The following CDH8 variants were observed in gnomAD, a reference collection of about 807,000 sequenced individuals.
CDH8 encodes the protein cadherin-8.
A neutral mutation model predicts 68.1 loss-of-function variants in CDH8; 17 were observed. The observed-to-expected ratio is 0.25, with a 90% CI of 0.17 to 0.37. CDH8 has a LOEUF of 0.37. Ranked by LOEUF, CDH8 falls within the 10% of genes least tolerant of loss-of-function variation. The pLI is 1.00. For missense variants in CDH8, 763 were observed against 999.3 expected, an observed-to-expected ratio of 0.76 and a Z score of 3.19; for synonymous variants, 372 against 365.1, an observed-to-expected ratio of 1.02 and a Z score of -0.21.
At chr16:61,728,048 A>AAT (rs1959426324) in intron 8 of CDH8, among the ~76,000 whole-genome samples, 1 of 151,120 alleles carries the variant, frequency 6.6e-6, no homozygotes, top group Non-Finnish European at 1.5e-5. Context: ...TGTACCATGT[A>AAT]ATAATCTTTT....
intron 3 of CDH8, among the ~76,000 whole-genome samples, chr16:61,895,218 T>A (rs971711156): frequency 6.6e-6 from 1 of 152,100 alleles, no homozygotes; most frequent in Non-Finnish European, 1.5e-5. Flanking sequence ...TTAACTATTA[T>A]AAACATGCTG....
chr16:61,988,656 C>A (rs997806951), intron 2 of CDH8, among the ~76,000 whole-genome samples: 1 of 152,140 alleles, frequency 6.6e-6, no homozygotes, highest in Non-Finnish European at 1.5e-5. Flanking sequence ...TAAATAAACA[C>A]AAAACCTACC....
At chr16:62,021,070 TC>T in intron 2 of CDH8, 81 bp downstream of exon 2, 1 of 1,206,242 alleles carries the variant, frequency 8.3e-7, no homozygotes, top group Non-Finnish European at 1.2e-6. Context: ...CTAAGTGTGG[TC>T]ACAATTAAAA....
At chr16:61,823,798 A>T (rs1346885955) in intron 5 of CDH8, among the ~76,000 whole-genome samples, 1 of 151,928 alleles carries the variant, frequency 6.6e-6, no homozygotes, top group Non-Finnish European at 1.5e-5. Flanking sequence ...CTCTTGCTGC[A>T]GCACTTTCCC....
intron 9 of CDH8, among the ~76,000 whole-genome samples, chr16:61,722,780 T>A (rs1959235359): frequency 6.6e-6 from 1 of 150,808 alleles, no homozygotes; most frequent in African/African-American, 2.4e-5. Flanking sequence ...TACCTTTTTA[T>A]TTGAACTTTG....
intron 2 of CDH8, among the ~76,000 whole-genome samples, chr16:62,013,825 T>C (rs1214320625): frequency 6.6e-6 from 1 of 152,140 alleles, no homozygotes; most frequent in African/African-American, 2.4e-5. Context: ...CTTGTTGCAA[T>C]CTATTTAAAA....
chr16:61,699,244 A>G (rs976231693), intron 10 of CDH8, among the ~76,000 whole-genome samples: 2 of 152,214 alleles, frequency 1.3e-5, no homozygotes, highest in Non-Finnish European at 2.9e-5. Flanking sequence ...TCCACGTTTT[A>G]GTCTCAAAAA....
intron 3 of CDH8, among the ~76,000 whole-genome samples, chr16:61,884,951 T>C (rs1450320395): frequency 6.6e-6 from 1 of 152,080 alleles, no homozygotes; most frequent in Non-Finnish European, 1.5e-5. Context: ...ACATATATTT[T>C]TAAAGTCACC....
intron 2 of CDH8, among the ~76,000 whole-genome samples, chr16:61,931,154 C>CTTTTGTTTTG (rs551323255): frequency 1.3e-5 from 2 of 151,686 alleles, no homozygotes; most frequent in African/African-American, 2.4e-5. Context: ...TCATGAGGAC[C>CTTTTGTTTTG]TTTTGTTTTG....
At chr16:61,663,139 T>C (rs2142759844) in intron 10 of CDH8, among the ~76,000 whole-genome samples, 1 of 152,048 alleles carries the variant, frequency 6.6e-6, no homozygotes. Flanking sequence ...GGCTGAGAAA[T>C]ACAAGGTATG....
chr16:62,002,359 A>G (rs996583044), intron 2 of CDH8, among the ~76,000 whole-genome samples: 4 of 152,224 alleles, frequency 2.6e-5, no homozygotes, highest in African/African-American at 9.6e-5. Context: ...GAAGGCAAAT[A>G]TATTTACCTT....
chr16:61,673,942 C>G (rs1963845605), intron 10 of CDH8, among the ~76,000 whole-genome samples: 1 of 152,088 alleles, frequency 6.6e-6, no homozygotes, highest in Admixed American at 6.5e-5. Flanking sequence ...CCAAGCTACA[C>G]ACATATAGAA....
At chr16:61,819,502 G>T (rs952123798) in intron 6 of CDH8, among the ~76,000 whole-genome samples, 4 of 151,934 alleles carry the variant, frequency 2.6e-5, no homozygotes, top group Non-Finnish European at 5.9e-5. Flanking sequence ...TTTCAAACAT[G>T]GCTTTTTAAA....
rs1014312125 is a variant in CDH8 at position 61,652,285 on chromosome 16, G to C, written c.*1323C>G. On this transcript the variant is annotated 3_prime_UTR_variant, in exon 12 of 12. Coordinates refer to ENST00000577390, the MANE Select transcript of CDH8 (RefSeq NM_001796.5). ...GATCAGGGATAGGAGTGCTAAAAACGTAAACAGTGAAATTATGTACAAATC... is the reference window on the plus strand; with the variant it reads ...GATCAGGGATAGGAGTGCTAAAAACCTAAACAGTGAAATTATGTACAAATC... The C allele has an allele frequency of 1.0e-6, 1 of 985,086 alleles. No homozygotes were observed. The highest frequency in any genetic ancestry group is 1.1e-4 in the East Asian group (1 of 8,790). 61.0% of individuals were successfully genotyped at this position (985,086 alleles called of 1,614,324 possible).
chr16:61,741,642 C>A (rs1156745376), intron 8 of CDH8, among the ~76,000 whole-genome samples: 1 of 152,088 alleles, frequency 6.6e-6, no homozygotes, highest in Non-Finnish European at 1.5e-5. Context: ...CCTGTGGCAT[C>A]TTTGTTATAA....
At chr16:61,939,791 A>G (rs1964683281) in intron 2 of CDH8, among the ~76,000 whole-genome samples, 2 of 152,238 alleles carry the variant, frequency 1.3e-5, no homozygotes, top group Non-Finnish European at 1.5e-5. Context: ...AAGATGTGAA[A>G]CAATATTGTA....
chr16:61,801,910 G>A, intron 7 of CDH8, among the ~76,000 whole-genome samples: 1 of 149,134 alleles, frequency 6.7e-6, no homozygotes, highest in African/African-American at 2.5e-5. Flanking sequence ...CCATTGCCCA[G>A]GCTTGCTTAG....
chr16:61,871,153 C>CACACAT (rs1036746812), intron 3 of CDH8, among the ~76,000 whole-genome samples: 4 of 151,964 alleles, frequency 2.6e-5, no homozygotes, highest in African/African-American at 9.7e-5. Flanking sequence ...CACACATACA[C>CACACAT]ACACATACAC....
chr16:62,026,148 A>G (rs1172809494), intron 1 of CDH8, among the ~76,000 whole-genome samples: 1 of 152,190 alleles, frequency 6.6e-6, no homozygotes, highest in Non-Finnish European at 1.5e-5. Flanking sequence ...ACCATGACCA[A>G]TTTTAAGCTT....
Sources: allele counts gnomAD v4.1 joint callset (sites outside exome capture counted in the v4.1 genomes callset), GRCh38; gene constraint gnomAD v4.1.1; transcripts MANE v1.5; gene names NCBI Gene and HGNC (gene_info 2026-07-23, HGNC 2026-07-21).